Variants in GPAT3 observed in about 807,000 individuals in gnomAD.
GPAT3 encodes the protein 1-AGP acyltransferase 9.
A neutral mutation model predicts 58.8 loss-of-function variants in GPAT3; 53 were observed. That is an observed-to-expected ratio of 0.90 (90% CI 0.72 to 1.13). GPAT3 has a LOEUF of 1.13. GPAT3 is among the 50% of genes most tolerant of loss of function. The pLI is 0.00. For synonymous variants in GPAT3, 197 were observed against 187.4 expected, an observed-to-expected ratio of 1.05 and a Z score of -0.42; for missense variants, 511 against 527.6, an observed-to-expected ratio of 0.97 and a Z score of 0.31.
At chr4:83,579,091 C>CTTCCTTCCTTCCTTCCTTCA in intron 2 of GPAT3, among the ~76,000 whole-genome samples, 1 of 93,442 alleles carries the variant, frequency 1.1e-5, no homozygotes, top group African/African-American at 3.7e-5. Context: ...CCCTTCCTTC[C>CTTCCTTCCTTCCTTCCTTCA]TTCCTTCCTT....
intron 4 of GPAT3, 146 bp from the exon 5 acceptor site, chr4:83,588,064 G>A: frequency 3.3e-6 from 2 of 603,184 alleles, no homozygotes; most frequent in Non-Finnish European, 5.6e-6. Context: ...TATAACAATT[G>A]ACTATAAGAC....
chr4:83,575,636 G>C (rs1725784744), intron 2 of GPAT3, among the ~76,000 whole-genome samples: 1 of 151,816 alleles, frequency 6.6e-6, no homozygotes, highest in Non-Finnish European at 1.5e-5. Context: ...GGATGGTCTC[G>C]ATCTCCTGAC....
At chr4:83,552,167 A>G (rs907425274) in intron 2 of GPAT3, among the ~76,000 whole-genome samples, 1 of 152,164 alleles carries the variant, frequency 6.6e-6, no homozygotes, top group Non-Finnish European at 1.5e-5. Flanking sequence ...GGCTTTCTCA[A>G]CCTCAGCACT....
chr4:83,576,893 A>G (rs988212892), intron 2 of GPAT3, among the ~76,000 whole-genome samples: 50 of 152,218 alleles, frequency 3.3e-4, no homozygotes, highest in African/African-American at 1.2e-3. Context: ...ACGTAGTCTC[A>G]AAGTATCTCC....
chr4:83,548,035 A>T (rs574122882), intron 2 of GPAT3, among the ~76,000 whole-genome samples: 3 of 152,292 alleles, frequency 2.0e-5, no homozygotes, highest in African/African-American at 7.2e-5. Flanking sequence ...AGAAAAAGGT[A>T]AATCTTTTTC....
At chr4:83,537,200 GTTC>G (rs1196000269) in intron 1 of GPAT3, among the ~76,000 whole-genome samples, 3 of 152,194 alleles carry the variant, frequency 2.0e-5, no homozygotes, top group African/African-American at 4.8e-5. Context: ...AAGGCATCAT[GTTC>G]TTCTTTATGC....
In GPAT3 at chr4:83,597,506, T is replaced by G. The variant is rs746096134; in HGVS notation, c.987T>G (p.Val329=). 3.3e-5 allele frequency: 51 copies of G among 1,557,138 alleles called. No homozygotes were observed. The highest frequency in any genetic ancestry group is 4.0e-5 in the Non-Finnish European group (46 of 1,145,184). The change falls in exon 9 of 12, where the codon GTT becomes GTG. Residue 329 remains valine (V), a synonymous_variant. Coordinates refer to ENST00000264409, the MANE Select transcript of GPAT3 (RefSeq NM_032717.5). ...SFEIGGTIHP[V]AIKYNPQFGD... is the part of the protein sequence containing the mutation. ...AAATTGGAGGAACCATACATCCAGT[T>G]GCAATTAAGGTAAAACAGATACCAT... is the stretch of plus-strand genomic sequence containing the variant.
intron 2 of GPAT3, among the ~76,000 whole-genome samples, chr4:83,549,964 C>A (rs1264085875): frequency 6.6e-6 from 1 of 151,262 alleles, no homozygotes; most frequent in African/African-American, 2.4e-5. Flanking sequence ...CTCAAATGAT[C>A]CACCTGCCTC....
At position 83,536,462 on chromosome 4, in the gene GPAT3, G is replaced by GT; in HGVS notation, c.-160dup. The stretch of plus-strand genomic sequence containing the variant: ...CCAGGGAGGAAGGAAGGATATTGCC[G>GT]TAATTCTGAAAGTTTTTTTCCTTCC... On this transcript the variant is annotated 5_prime_UTR_variant, in exon 1 of 12. Coordinates refer to ENST00000264409, the MANE Select transcript of GPAT3 (RefSeq NM_032717.5). The GT allele has an allele frequency of 6.9e-7, 1 of 1,442,610 alleles. No homozygotes were observed. Among genetic ancestry groups the GT allele is most frequent in the African/African-American group, 1.4e-5 (1 of 70,244 alleles). The allele number at this position is 1,442,610 out of a possible 1,614,324, so 89.4% of individuals were successfully genotyped here. A position where few individuals can be genotyped will look rare whatever the true frequency, so the allele number is the denominator to read the frequency against.
intron 2 of GPAT3, among the ~76,000 whole-genome samples, chr4:83,563,917 A>T (rs562603470): frequency 2.2e-4 from 33 of 152,216 alleles, no homozygotes; most frequent in African/African-American, 5.8e-4. Context: ...CTTCTTTTTT[A>T]AGAGTTGTAA....
rs190526931 is a variant in GPAT3, at chr4:83,584,898, A to G, written c.480-2357A>G. On this transcript the variant is annotated intron_variant, in intron 3 of 11. Coordinates refer to ENST00000264409, the MANE Select transcript of GPAT3 (RefSeq NM_032717.5). ...CAGACTGTGGCTGAAAACTTATGTC[A>G]TCTATGAGAACTCTAACATTGCCTC... Among the ~76,000 whole-genome samples, 272 of 152,352 alleles carry G rather than the reference A, an allele frequency of 1.8e-3. 2 individuals carry two copies. Among genetic ancestry groups the G allele is most frequent in the African/African-American group, 6.0e-3 (250 of 41,586 alleles).
chr4:83,552,516 G>A (rs997621645), intron 2 of GPAT3, among the ~76,000 whole-genome samples: 2 of 152,212 alleles, frequency 1.3e-5, no homozygotes, highest in African/African-American at 4.8e-5. Context: ...GTTGATTTGG[G>A]AAGAATGGAA....
intron 2 of GPAT3, among the ~76,000 whole-genome samples, chr4:83,552,467 C>T (rs747483697): frequency 1.4e-4 from 22 of 152,124 alleles, no homozygotes; most frequent in Non-Finnish European, 1.0e-4. Flanking sequence ...AACAAATAGG[C>T]CCTTGAAGGA....
rs774667320 is a variant in GPAT3, at chr4:83,536,669, C to A, written c.47C>A (p.Thr16Lys). ...GGGAAGATCCTTTCCACCTGGCTGA[C>A]GCTGGTTCTCGGCTTCATCCTTTTA... ...LAGKILSTWL[T>K]LVLGFILLPS... The change falls in exon 1 of 12, where the codon ACG (threonine) becomes AAG (lysine). Residue 16 changes from threonine (T) to lysine (K), a missense_variant. Transcript: ENST00000264409. The A allele has an allele frequency of 5.6e-6, 9 of 1,613,444 alleles. No individual in the cohort carries two copies. The highest frequency in any genetic ancestry group is 7.6e-6 in the Non-Finnish European group (9 of 1,179,998).
intron 2 of GPAT3, among the ~76,000 whole-genome samples, chr4:83,548,699 C>T (rs11731267): frequency 0.14 from 21,031 of 151,944 alleles, 1,610 homozygotes; most frequent in East Asian, 0.31. Flanking sequence ...GCAAGTCTTA[C>T]CCCATGCCCT....
At chr4:83,598,832 G>A in intron 11 of GPAT3, 109 bp downstream of exon 11, 2 of 736,266 alleles carry the variant, frequency 2.7e-6, no homozygotes, top group Non-Finnish European at 4.1e-6. Context: ...GCAGTAGCAT[G>A]ATCATAGTTC....
intron 2 of GPAT3, among the ~76,000 whole-genome samples, chr4:83,580,152 G>A (rs1003708925): frequency 1.3e-5 from 2 of 152,060 alleles, no homozygotes; most frequent in South Asian, 4.2e-4. Flanking sequence ...AGTTAGAATT[G>A]AATGACAGTA....
chr4:83,565,953 A>C (rs928705281), intron 2 of GPAT3, among the ~76,000 whole-genome samples: 1 of 152,182 alleles, frequency 6.6e-6, no homozygotes, highest in African/African-American at 2.4e-5. Flanking sequence ...TAAACTACCT[A>C]AGATCTTTAA....
Position 83,597,489 on chromosome 4 carries a change from G to T in GPAT3, c.970G>T (p.Gly324Ter). 6.4e-7 allele frequency: 1 copy of T among 1,569,532 alleles called. No individual in the cohort carries two copies. The highest frequency in any genetic ancestry group is 8.6e-7 in the Non-Finnish European group (1 of 1,156,458). Residue 324 changes from glycine to a stop codon, truncating the protein, a stop_gained, in exon 9 of 12, where the codon GGA (glycine) becomes TGA (stop). Transcript: ENST00000264409. LOFTEE classifies it high-confidence loss of function. ...MFKKGSFEIG[G>*]TIHPVAIKYN... ...TAAAAAGGGGAGCTTTGAAATTGGA[G>T]GAACCATACATCCAGTTGCAATTAA...
Sources: gnomAD v4.1 joint callset for allele counts (sites outside exome capture counted in the v4.1 genomes callset) on GRCh38, gnomAD v4.1.1 for gene constraint, MANE v1.5 for transcripts, NCBI Gene and HGNC (gene_info 2026-07-23, HGNC 2026-07-21) for gene names.